Variants in TYROBP observed in about 807,000 individuals in gnomAD.
TYROBP encodes transmembrane immune signaling adaptor TYROBP, also known as TYRO protein tyrosine kinase-binding protein.
TYROBP carries 14 observed loss-of-function variants against 17.1 expected under a neutral mutation model. The observed-to-expected ratio is 0.82, with a 90% CI of 0.54 to 1.28. The LOEUF (loss-of-function observed/expected upper bound fraction) is 1.28. Ranked by LOEUF, TYROBP falls within the 50% of genes most tolerant of loss-of-function variation. The pLI is 0.00. For synonymous variants in TYROBP, 73 were observed against 67.4 expected, an observed-to-expected ratio of 1.08 and a Z score of -0.41; for missense variants, 161 against 151.4, an observed-to-expected ratio of 1.06 and a Z score of -0.33.
intron 4 of TYROBP, among the ~76,000 whole-genome samples, chr19:35,905,132 C>T (rs8110231): frequency 0.072 from 11,000 of 152,230 alleles, 961 homozygotes; most frequent in African/African-American, 0.21. Flanking sequence ...TAAATACATC[C>T]GGGTAATGCT....
rs111477177 is a variant in TYROBP at position 35,907,552 on chromosome 19, G to T, written c.123C>A (p.Gly41=). 6 of 1,614,056 alleles carry T rather than the reference G, an allele frequency of 3.7e-6. 1 individual carries two copies. In the South Asian group the frequency reaches 5.5e-5, roughly 15 times the overall value. Residue 41 remains glycine, a synonymous_variant, in exon 3 of 5, where the codon GGC becomes GGA. Transcript: ENST00000262629. ...CTCCCATCACGATCCCTGCCAGCACGCCCGGGCTCACCGTAGAGCAACTGC... is the reference window on the plus strand; with the variant it reads ...CTCCCATCACGATCCCTGCCAGCACTCCCGGGCTCACCGTAGAGCAACTGC... The part of the protein sequence containing the change: ...SDCSCSTVSP[G]VLAGIVMGDL...
In TYROBP at chr19:35,904,603, C is replaced by T; in HGVS notation, c.308G>A (p.Ser103Asn). Residue 103 changes from serine (S) to asparagine (N), a missense_variant, in exon 5 of 5, where the codon AGC (serine) becomes AAC (asparagine). By Grantham distance (46) the Ser-to-Asn change is conservative. Transcript: ENST00000262629. ...ELQGQRSDVY[S>N]DLNTQRPYYK The stretch of plus-strand genomic sequence containing the variant: ...ATACGGCCTCTGTGTGTTGAGGTCG[C>T]TGTAGACATCCGACCTCTGACCCTG... 4.3e-6 allele frequency: 7 copies of T among 1,613,622 alleles called. No homozygotes were observed. Among genetic ancestry groups the T allele is most frequent in the Non-Finnish European group, 5.9e-6 (7 of 1,179,876 alleles).
At chr19:35,904,793 C>T (rs1305834216) in intron 4 of TYROBP, among the ~76,000 whole-genome samples, 159 bp from the exon 5 acceptor site, 1 of 152,084 alleles carries the variant, frequency 6.6e-6, no homozygotes, top group Admixed American at 6.5e-5. Context: ...TCTCCTCTGC[C>T]TCATCAGTGT....
At chr19:35,907,846 TC>T (rs572386162) in intron 1 of TYROBP, 84 bp from the exon 2 acceptor site, 92 of 1,451,802 alleles carry the variant, frequency 6.3e-5, no homozygotes, top group Middle Eastern at 1.7e-4. Context: ...GGAAGGTGGA[TC>T]CTGACAGCCA....
At chr19:35,905,274 G>T (rs1289411752) in intron 4 of TYROBP, among the ~76,000 whole-genome samples, 1 of 152,190 alleles carries the variant, frequency 6.6e-6, no homozygotes, top group African/African-American at 2.4e-5. Flanking sequence ...AGGCAAAGCT[G>T]GTTGCAGACA....
At chr19:35,906,397 A>T (rs4806226) in intron 4 of TYROBP, among the ~76,000 whole-genome samples, 108,610 of 151,756 alleles carry the variant, frequency 0.72, 39,154 homozygotes, top group East Asian at 0.97. Flanking sequence ...CCAAAAAAAA[A>T]TTTTTTTTAA....
intron 4 of TYROBP, among the ~76,000 whole-genome samples, chr19:35,905,817 G>A (rs1221814757): frequency 1.3e-5 from 2 of 151,804 alleles, no homozygotes; most frequent in African/African-American, 4.8e-5. Context: ...GCCGGGTGTG[G>A]TGGCATGCAC....
chr19:35,905,428 G>C (rs1975697284), intron 4 of TYROBP, among the ~76,000 whole-genome samples: 2 of 152,152 alleles, frequency 1.3e-5, no homozygotes, highest in Non-Finnish European at 2.9e-5. Context: ...AGAGGTCTTA[G>C]AGAATCTCAT....
In TYROBP at chr19:35,904,623, A is replaced by G; in HGVS notation, c.288T>C (p.Gly96=). The stretch of plus-strand genomic sequence containing the variant: ...GGTCGCTGTAGACATCCGACCTCTG[A>G]CCCTGGAGCTCCTAAAGGAATGGGG... ...ETESPYQELQ[G]QRSDVYSDLN... is the part of the protein sequence containing the mutation. The change falls in exon 5 of 5, where the codon GGT becomes GGC. Residue 96 remains glycine, a synonymous_variant. Coordinates refer to ENST00000262629, the MANE Select transcript of TYROBP (RefSeq NM_003332.4). 1 of 1,613,014 alleles carries G rather than the reference A, an allele frequency of 6.2e-7. No individual in the cohort carries two copies. Among genetic ancestry groups the G allele is most frequent in the Non-Finnish European group, 8.5e-7 (1 of 1,179,618 alleles).
chr19:35,905,195 G>A (rs1452546517), intron 4 of TYROBP, among the ~76,000 whole-genome samples: 1 of 152,148 alleles, frequency 6.6e-6, no homozygotes, highest in African/African-American at 2.4e-5. Flanking sequence ...TCGGTCTTCT[G>A]GATATCACAG....
Position 35,907,502 on chromosome 19 carries a change from G to A in TYROBP, c.173C>T (p.Ala58Val). 1 of 1,613,658 alleles carries A rather than the reference G, an allele frequency of 6.2e-7. No homozygotes were observed. The change falls in exon 3 of 5, where the codon GCC (alanine) becomes GTC (valine). Residue 58 changes from alanine (A) to valine (V), a missense_variant. By Grantham distance (64) the Ala-to-Val change is moderately conservative. Coordinates refer to ENST00000262629, the MANE Select transcript of TYROBP (RefSeq NM_003332.4). ...MGDLVLTVLI[A>V]LAVYFLGRLV... ...CCGGCCCAGGAAGTACACGGCCAGGGCAATGAGCACTGTCAGCACCAGGTC... is the reference window on the plus strand; with the variant it reads ...CCGGCCCAGGAAGTACACGGCCAGGACAATGAGCACTGTCAGCACCAGGTC...
chr19:35,907,136 C>T (rs1975742868), intron 4 of TYROBP, 82 bp downstream of exon 4: 3 of 1,396,598 alleles, frequency 2.1e-6, no homozygotes, highest in South Asian at 2.5e-5. Flanking sequence ...GCTTTGAGGT[C>T]CCTCTGATGG....
chr19:35,904,404 T>G lies in TYROBP; in HGVS notation c.*165A>C. The G allele has an allele frequency of 1.2e-6, 1 of 860,162 alleles. No homozygotes were observed. Among genetic ancestry groups the G allele is most frequent in the Non-Finnish European group, 1.9e-6 (1 of 525,634 alleles). The allele number at this position is 860,162 out of a possible 1,614,324, so 53.3% of individuals were successfully genotyped here. On this transcript the variant is annotated 3_prime_UTR_variant, in exon 5 of 5. Coordinates refer to ENST00000262629, the MANE Select transcript of TYROBP (RefSeq NM_003332.4). ...TCAGCCCAAGGATCTGGCATAATGT[T>G]TTTGTGCTTCATGTTTATTTTAGGA...
chr19:35,904,664 G>A lies in TYROBP; in HGVS notation c.277-30C>T, dbSNP rs1975674925. The A allele has an allele frequency of 1.2e-6, 2 of 1,603,796 alleles. 1 individual carries two copies. ...AGGAATGGGGGCCATCAGTGGAAGG[G>A]ACCCACCAAATAAAATCCAGCCTTC... On this transcript the variant is annotated intron_variant, in intron 4 of 4. Coordinates refer to ENST00000262629, the MANE Select transcript of TYROBP (RefSeq NM_003332.4).
intron 4 of TYROBP, among the ~76,000 whole-genome samples, chr19:35,904,880 A>C (rs1057070616): frequency 6.6e-6 from 1 of 151,288 alleles, no homozygotes; most frequent in African/African-American, 2.4e-5. Flanking sequence ...TCTCCCTTCA[A>C]GTCTCAGCTC....
At chr19:35,906,706 CT>C (rs966998430) in intron 4 of TYROBP, among the ~76,000 whole-genome samples, 21 of 146,402 alleles carry the variant, frequency 1.4e-4, no homozygotes, top group African/African-American at 1.8e-4. Context: ...CAAAGCCACC[CT>C]TTTTTTTTTC....
At chr19:35,907,812 G>T (rs371976856) in intron 1 of TYROBP, 50 bp from the exon 2 acceptor site, 35 of 1,600,650 alleles carry the variant, frequency 2.2e-5, no homozygotes, top group African/African-American at 4.0e-5. Context: ...TGACGGGGGT[G>T]GGGGAGGCAA....
At chr19:35,905,742 C>G (rs1975705568) in intron 4 of TYROBP, among the ~76,000 whole-genome samples, 1 of 151,706 alleles carries the variant, frequency 6.6e-6, no homozygotes, top group Admixed American at 6.6e-5. Context: ...ATCACGAGGT[C>G]AGGAGATTGA....
In TYROBP at chr19:35,907,525, G is replaced by A. The variant is rs1263909510; in HGVS notation, c.150C>T (p.Asp50=). Residue 50 remains aspartate, a synonymous_variant, in exon 3 of 5, where the codon GAC becomes GAT. Transcript: ENST00000262629. ...GGGCAATGAGCACTGTCAGCACCAGGTCTCCCATCACGATCCCTGCCAGCA... is the reference window on the plus strand; with the variant it reads ...GGGCAATGAGCACTGTCAGCACCAGATCTCCCATCACGATCCCTGCCAGCA... ...PGVLAGIVMG[D]LVLTVLIALA... 2 of 1,613,984 alleles carry A rather than the reference G, an allele frequency of 1.2e-6. No homozygotes were observed. Among genetic ancestry groups the A allele is most frequent in the Admixed American group, 1.7e-5 (1 of 60,002 alleles).
Sources: allele counts gnomAD v4.1 joint callset (sites outside exome capture counted in the v4.1 genomes callset), GRCh38; gene constraint gnomAD v4.1.1; transcripts MANE v1.5; gene names NCBI Gene and HGNC (gene_info 2026-07-23, HGNC 2026-07-21).